The following ADGRL3 variants were observed in gnomAD, a reference collection of about 807,000 sequenced individuals.
The protein encoded by ADGRL3 is calcium-independent alpha-latrotoxin receptor 3.
ADGRL3 carries 62 observed loss-of-function variants against 153.5 expected under a neutral mutation model. The observed-to-expected ratio is 0.40, with a 90% CI of 0.33 to 0.50. The LOEUF is 0.50. ADGRL3 is among the 20% of genes least tolerant of loss of function. The pLI is 0.47. For synonymous variants in ADGRL3, 710 were observed against 672.5 expected (o/e 1.06, Z -0.86); for missense variants, 1,641 against 1,859.4 (o/e 0.88, Z 2.16).
intron 13 of ADGRL3, among the ~76,000 whole-genome samples, chr4:61,924,138 G>A (rs2098783410): frequency 6.6e-6 from 1 of 151,944 alleles, no homozygotes; most frequent in Non-Finnish European, 1.5e-5. Context: ...CTAAACCAAT[G>A]GTCGGTAGTC....
At chr4:61,397,086 C>A (rs1464553551) in intron 2 of ADGRL3, among the ~76,000 whole-genome samples, 1 of 151,542 alleles carries the variant, frequency 6.6e-6, no homozygotes, top group African/African-American at 2.4e-5. Flanking sequence ...AACAATAGTG[C>A]AGTTTCTAGG....
intron 21 of ADGRL3, among the ~76,000 whole-genome samples, chr4:62,020,149 T>G (rs976774050): frequency 1.3e-5 from 2 of 152,128 alleles, no homozygotes; most frequent in African/African-American, 2.4e-5. Context: ...CTGTTGGAAG[T>G]TGGTGAAAAG....
At chr4:61,838,793 T>A (rs2097977722) in intron 9 of ADGRL3, among the ~76,000 whole-genome samples, 1 of 152,214 alleles carries the variant, frequency 6.6e-6, no homozygotes, top group Admixed American at 6.5e-5. Context: ...TCTTTGTTAT[T>A]TTTTATTGCA....
At chr4:61,709,446 A>T (rs1035047648) in intron 6 of ADGRL3, among the ~76,000 whole-genome samples, 1 of 152,176 alleles carries the variant, frequency 6.6e-6, no homozygotes, top group Non-Finnish European at 1.5e-5. Flanking sequence ...ATCATTTTGC[A>T]TATAATAATA....
intron 11 of ADGRL3, chr4:61,906,294 G>T (rs966311387): frequency 6.6e-6 from 1 of 151,824 alleles, no homozygotes; most frequent in African/African-American, 2.4e-5. Context: ...TTTACACTTG[G>T]ATAATATTTC....
At chr4:61,535,667 T>C (rs776869950) in intron 4 of ADGRL3, among the ~76,000 whole-genome samples, 1 of 152,038 alleles carries the variant, frequency 6.6e-6, no homozygotes, top group Non-Finnish European at 1.5e-5. Flanking sequence ...TGTTCAGTCT[T>C]GTAAGATTGT....
chr4:61,636,579 C>A (rs1160098395), intron 5 of ADGRL3, among the ~76,000 whole-genome samples: 1 of 151,830 alleles, frequency 6.6e-6, no homozygotes, highest in Non-Finnish European at 1.5e-5. Context: ...TCTCTAAAGC[C>A]CTTATACTAC....
At position 61,560,762 on chromosome 4, in the gene ADGRL3, C is replaced by T. The variant is rs561889817; in HGVS notation, c.260-26465C>T. On this transcript the variant is annotated intron_variant, in intron 4 of 26. Transcript: ENST00000683033. ...AACTGACTCAATATGGCTTCTCCGT[C>T]TACTTAAGGCCTGCTCTATATAGAT... is the stretch of plus-strand genomic sequence containing the variant. 4.6e-5 allele frequency among the ~76,000 whole-genome samples: 7 copies of T among 152,118 alleles called. No homozygotes were observed. In the South Asian group the frequency reaches 1.5e-3, roughly 32 times the overall value.
At chr4:61,237,289 A>G (rs1195043675) in intron 1 of ADGRL3, among the ~76,000 whole-genome samples, 1 of 152,094 alleles carries the variant, frequency 6.6e-6, no homozygotes, top group Non-Finnish European at 1.5e-5. Context: ...ACATTGCCAT[A>G]TTTTATCCAT....
chr4:61,490,298 T>TGTA (rs10682762), intron 2 of ADGRL3, among the ~76,000 whole-genome samples: 115,808 of 151,444 alleles, frequency 0.76, 45,968 homozygotes, highest in East Asian at 0.95. Context: ...TTTTACCACT[T>TGTA]GTATTTACTG....
At chr4:61,923,916 A>T (rs955306055) in intron 13 of ADGRL3, among the ~76,000 whole-genome samples, 3 of 152,140 alleles carry the variant, frequency 2.0e-5, no homozygotes, top group Non-Finnish European at 2.9e-5. Context: ...GTGGTCTCCA[A>T]ATATTTACTG....
At chr4:61,990,067 A>C (rs533222127) in intron 19 of ADGRL3, among the ~76,000 whole-genome samples, 1 of 152,146 alleles carries the variant, frequency 6.6e-6, no homozygotes, top group East Asian at 1.9e-4. Context: ...AATAAAAACT[A>C]AGGTCCATGT....
At chr4:61,904,282 CTGT>C (rs1302822165) in intron 11 of ADGRL3, among the ~76,000 whole-genome samples, 2 of 150,650 alleles carry the variant, frequency 1.3e-5, no homozygotes, top group African/African-American at 4.9e-5. Flanking sequence ...TAAAACTGCA[CTGT>C]TGTTGACACA....
chr4:61,572,481 T>A (rs1488813890), intron 4 of ADGRL3, among the ~76,000 whole-genome samples: 1 of 152,080 alleles, frequency 6.6e-6, no homozygotes, highest in East Asian at 1.9e-4. Flanking sequence ...TACCCAGATG[T>A]CATAACATGA....
intron 6 of ADGRL3, among the ~76,000 whole-genome samples, chr4:61,686,684 A>G (rs1362296948): frequency 6.6e-6 from 1 of 152,072 alleles, no homozygotes; most frequent in Non-Finnish European, 1.5e-5. Flanking sequence ...AATATATAAC[A>G]TGTTATTGTC....
chr4:61,673,234 A>C (rs2095066957), intron 5 of ADGRL3, among the ~76,000 whole-genome samples: 1 of 151,910 alleles, frequency 6.6e-6, no homozygotes, highest in Non-Finnish European at 1.5e-5. Context: ...TCAGTAATGC[A>C]GAATGAGTTA....
chr4:61,826,693 C>A, intron 9 of ADGRL3, among the ~76,000 whole-genome samples: 1 of 152,112 alleles, frequency 6.6e-6, no homozygotes, highest in South Asian at 2.1e-4. Context: ...ATGACTGTAG[C>A]TACACGGTGG....
chr4:61,675,267 C>T (rs1035513995), intron 5 of ADGRL3, among the ~76,000 whole-genome samples: 7 of 151,858 alleles, frequency 4.6e-5, no homozygotes, highest in African/African-American at 1.7e-4. Context: ...GAGAACAGAA[C>T]ATCTCCTTAA....
intron 1 of ADGRL3, among the ~76,000 whole-genome samples, chr4:61,345,159 T>C (rs2095876017): frequency 6.6e-6 from 1 of 152,064 alleles, no homozygotes; most frequent in Non-Finnish European, 1.5e-5. Flanking sequence ...TATGTTAGTA[T>C]ATTAAAGATC....
Sources: gnomAD v4.1 joint callset for allele counts (sites outside exome capture counted in the v4.1 genomes callset) on GRCh38, gnomAD v4.1.1 for gene constraint, MANE v1.5 for transcripts, NCBI Gene and HGNC (gene_info 2026-07-23, HGNC 2026-07-21) for gene names.